Variants in KSR1 observed in about 807,000 individuals in gnomAD.
KSR1 encodes kinase suppressor of ras 1, also known as kinase suppressor of ras.
KSR1 carries 35 observed loss-of-function variants against 92.9 expected under a neutral mutation model. That is an observed-to-expected ratio of 0.38 (90% CI 0.29 to 0.50). The LOEUF (loss-of-function observed/expected upper bound fraction) is 0.50. Ranked by LOEUF, KSR1 falls within the 20% of genes least tolerant of loss-of-function variation. KSR1 has a pLI of 0.94. For missense variants in KSR1, 972 were observed against 1,158.5 expected (o/e 0.84, Z 2.34); for synonymous variants, 467 against 472.6 (o/e 0.99, Z 0.15).
rs200788543 is a variant in KSR1, at chr17:27,605,504, C to G, written c.1685C>G (p.Ser562Cys). 13 of 1,603,106 alleles carry G rather than the reference C, an allele frequency of 8.1e-6. No individual in the cohort carries two copies. The East Asian group carries it at 2.2e-4, about 28-fold the overall frequency. ...GACGAGGTGGACGACTTGCCGAGCTCTCGCCGGCCCTGGCGGGGCCCCATC... is the reference window on the plus strand; with the variant it reads ...GACGAGGTGGACGACTTGCCGAGCTGTCGCCGGCCCTGGCGGGGCCCCATC... Reference protein sequence around the residue: ...DEDEVDDLPSSRRPWRGPISR... With the variant: ...DEDEVDDLPSCRRPWRGPISR... The change falls in exon 14 of 21, where the codon TCT becomes TGT. Residue 562 changes from serine (S) to cysteine (C), a missense_variant. Ser to Cys is a moderately radical substitution (Grantham distance 112). Transcript: ENST00000644974.
intron 2 of KSR1, among the ~76,000 whole-genome samples, chr17:27,571,961 T>C (rs1048890966): frequency 2.6e-5 from 4 of 152,192 alleles, no homozygotes; most frequent in African/African-American, 7.2e-5. Flanking sequence ...ATTTGATACC[T>C]AACTGGCCCT....
intron 1 of KSR1, among the ~76,000 whole-genome samples, chr17:27,477,613 CCT>C (rs922794481): frequency 1.3e-5 from 2 of 152,160 alleles, no homozygotes; most frequent in African/African-American, 4.8e-5. Context: ...TGTATAGACC[CCT>C]GTCTGCCTCC....
intron 11 of KSR1, among the ~76,000 whole-genome samples, chr17:27,602,477 G>A (rs2073601078): frequency 6.6e-6 from 1 of 152,218 alleles, no homozygotes; most frequent in Non-Finnish European, 1.5e-5. Flanking sequence ...GTCACAGGGA[G>A]GGCAAGGAAA....
intron 1 of KSR1, among the ~76,000 whole-genome samples, chr17:27,481,044 GT>G (rs902501260): frequency 6.6e-6 from 1 of 152,062 alleles, no homozygotes; most frequent in Non-Finnish European, 1.5e-5. Context: ...AGCTTTTGTT[GT>G]TTTTATTATT....
At position 27,459,677 on chromosome 17, in the gene KSR1, G is replaced by C. The variant is rs1453998200; in HGVS notation, c.231+2803G>C. ...AGGGCTTGGCCTGTGCAACTGCATC[G>C]GACTTATCTAGAATCTGAGGAGCCC... On this transcript the variant is annotated intron_variant, in intron 1 of 20. Coordinates refer to ENST00000644974, the MANE Select transcript of KSR1 (RefSeq NM_001394583.1). This position sits in a 1 kb window ranked among gnomAD's most constrained non-coding sequence, Gnocchi z 4.6. Among the ~76,000 whole-genome samples, 1 of 152,192 alleles carries C rather than the reference G, an allele frequency of 6.6e-6. No individual in the cohort carries two copies. The highest frequency in any genetic ancestry group is 1.5e-5 in the Non-Finnish European group (1 of 68,042).
Position 27,592,412 on chromosome 17 carries a change from C to T in KSR1, c.1182C>T (p.Ser394=). 3 of 1,613,944 alleles carry T rather than the reference C, an allele frequency of 1.9e-6. No individual in the cohort carries two copies. Among genetic ancestry groups the T allele is most frequent in the Non-Finnish European group, 2.5e-6 (3 of 1,179,858 alleles). ...AAGAAGCCCCTGCCTGTAGAATATC[C>T]TTCCTGCCACGTGAGTTTTCTGCCT... ...CTKEAPACRI[S]FLPLTRLRRT... The change falls in exon 8 of 21, where the codon TCC becomes TCT. Residue 394 remains serine, a synonymous_variant. Coordinates refer to ENST00000644974, the MANE Select transcript of KSR1 (RefSeq NM_001394583.1).
chr17:27,531,510 G>A (rs919420512), intron 1 of KSR1, among the ~76,000 whole-genome samples: 1 of 152,122 alleles, frequency 6.6e-6, no homozygotes, highest in East Asian at 1.9e-4. Flanking sequence ...TCCCACACTC[G>A]GATCCGTCAT....
chr17:27,519,715 C>T (rs904773500), intron 1 of KSR1, among the ~76,000 whole-genome samples: 2 of 152,190 alleles, frequency 1.3e-5, no homozygotes, highest in African/African-American at 4.8e-5. Flanking sequence ...AAACAAAAAG[C>T]AAGGAGCTCT....
chr17:27,560,309 T>G, intron 2 of KSR1: 1 of 384,724 alleles, frequency 2.6e-6, no homozygotes, highest in Non-Finnish European at 5.2e-6. Context: ...TGGAAGTTGT[T>G]GAAAGGAAGT....
intron 1 of KSR1, among the ~76,000 whole-genome samples, chr17:27,519,710 A>G (rs867370348): frequency 6.6e-6 from 1 of 152,226 alleles, no homozygotes; most frequent in African/African-American, 2.4e-5. Context: ...AAACCAAACA[A>G]AAAGCAAGGA....
intron 2 of KSR1, among the ~76,000 whole-genome samples, chr17:27,570,346 T>G (rs2072258143): frequency 6.6e-6 from 1 of 152,188 alleles, no homozygotes; most frequent in Admixed American, 6.6e-5. Flanking sequence ...CTCTCAGCCT[T>G]ATCTCCCATC....
chr17:27,526,042 C>CTTTTCTTTTCTTTTCTTTTCTTTTCT (rs60220711), intron 1 of KSR1, among the ~76,000 whole-genome samples: 6 of 105,366 alleles, frequency 5.7e-5, no homozygotes, highest in African/African-American at 9.3e-5. Context: ...CTTTTCTTTT[C>CTTTTCTTTTCTTTTCTTTTCTTTTCT]TTTCTCTCTC....
At chr17:27,562,291 T>A (rs2071864512) in intron 2 of KSR1, among the ~76,000 whole-genome samples, 1 of 152,248 alleles carries the variant, frequency 6.6e-6, no homozygotes, top group Non-Finnish European at 1.5e-5. Flanking sequence ...GTGGGTTTTC[T>A]TGTTGAATGA....
rs547167724 is a variant in KSR1, at chr17:27,582,788, C to T, written c.663C>T (p.Ser221=). ...GSSQLGRAGN[S]AQGPRSISVS... Reference sequence around the variant, plus strand: ...CCCAGCTGGGCAGAGCAGGCAACAGCGCCCAGGGCCCACGCTCCATCTCCG... The same window carrying T: ...CCCAGCTGGGCAGAGCAGGCAACAGTGCCCAGGGCCCACGCTCCATCTCCG... The change falls in exon 4 of 21, where the codon AGC becomes AGT. Residue 221 remains serine, a synonymous_variant. Transcript: ENST00000644974. The T allele has an allele frequency of 1.1e-5, 17 of 1,613,608 alleles. No homozygotes were observed. Among genetic ancestry groups the T allele is most frequent in the South Asian group, 7.7e-5 (7 of 91,080 alleles).
intron 1 of KSR1, among the ~76,000 whole-genome samples, chr17:27,483,262 G>C (rs1332957105): frequency 6.6e-6 from 1 of 152,172 alleles, no homozygotes; most frequent in African/African-American, 2.4e-5. Context: ...GAAAGAGCAC[G>C]TTAGAGCCTA....
rs547341046 is a variant in KSR1 at position 27,546,596 on chromosome 17, G to A, written c.232-3972G>A. Among the ~76,000 whole-genome samples, 13 of 152,308 alleles carry A rather than the reference G, an allele frequency of 8.5e-5. No homozygotes were observed. The East Asian group carries it at 2.3e-3, about 27-fold the overall frequency. The stretch of plus-strand genomic sequence containing the variant: ...AGAGGCGGACTCTGACTTGGCCTGG[G>A]TAGGAAACTCCAGCAGGTATTGGAG... On this transcript the variant is annotated intron_variant, in intron 1 of 20. Coordinates refer to ENST00000644974, the MANE Select transcript of KSR1 (RefSeq NM_001394583.1).
intron 18 of KSR1, among the ~76,000 whole-genome samples, chr17:27,614,765 T>G (rs1014095057): frequency 6.6e-6 from 1 of 152,198 alleles, no homozygotes; most frequent in African/African-American, 2.4e-5. Context: ...GAGACCAGTG[T>G]GGGATCAGGG....
chr17:27,488,187 A>T (rs1379321370), intron 1 of KSR1, among the ~76,000 whole-genome samples: 1 of 152,260 alleles, frequency 6.6e-6, no homozygotes, highest in Non-Finnish European at 1.5e-5. Flanking sequence ...TTCAAAACAT[A>T]TATAAAGTTT....
chr17:27,562,034 CG>C (rs1891567590), intron 2 of KSR1, among the ~76,000 whole-genome samples: 1 of 152,100 alleles, frequency 6.6e-6, no homozygotes, highest in African/African-American at 2.4e-5. Context: ...TTAGTAGAGA[CG>C]GGTTTTTTCC....
Sources: gnomAD v4.1 joint callset for allele counts (sites outside exome capture counted in the v4.1 genomes callset) on GRCh38, gnomAD v4.1.1 for gene constraint, Gnocchi (gnomAD v3.1) non-coding constraint, MANE v1.5 for transcripts, NCBI Gene and HGNC (gene_info 2026-07-23, HGNC 2026-07-21) for gene names.